The following QTMAN variants were observed in gnomAD, a reference collection of about 807,000 sequenced individuals.
The protein encoded by QTMAN is queuosine-tRNA mannosyltransferase.
the QTMAN span, among the ~76,000 whole-genome samples, chr2:144,269,993 G>A: frequency 6.6e-6 from 1 of 151,986 alleles, no homozygotes; most frequent in Admixed American, 6.5e-5. Context: ...TAGTTTAGAT[G>A]GGTTATTTTA....
chr2:144,101,905 GT>G, the QTMAN span, among the ~76,000 whole-genome samples: 190 of 152,092 alleles, frequency 1.2e-3, 1 homozygote, highest in African/African-American at 4.3e-3. Context: ...TTTGCTTCAG[GT>G]TTTTGTTTAT....
At chr2:144,093,864 A>C in the QTMAN span, among the ~76,000 whole-genome samples, 1 of 152,312 alleles carries the variant, frequency 6.6e-6, no homozygotes, top group South Asian at 2.1e-4. Context: ...ACACTCTACT[A>C]ATCTTTGAAA....
the QTMAN span, among the ~76,000 whole-genome samples, chr2:144,142,459 C>T: frequency 6.6e-6 from 1 of 151,930 alleles, no homozygotes; most frequent in Non-Finnish European, 1.5e-5. Flanking sequence ...TTACACCATA[C>T]TACCGAGAAC....
At chr2:144,224,221 T>A in the QTMAN span, among the ~76,000 whole-genome samples, 1 of 152,232 alleles carries the variant, frequency 6.6e-6, no homozygotes, top group Non-Finnish European at 1.5e-5. Context: ...CTTTTTTATT[T>A]TCTGAGAGAA....
chr2:144,096,448 C>G, the QTMAN span, among the ~76,000 whole-genome samples: 1 of 152,206 alleles, frequency 6.6e-6, no homozygotes, highest in Non-Finnish European at 1.5e-5. Flanking sequence ...AAGGAAGACA[C>G]TGTAGAACAA....
At chr2:144,144,980 A>T in the QTMAN span, among the ~76,000 whole-genome samples, 1 of 150,202 alleles carries the variant, frequency 6.7e-6, no homozygotes, top group Non-Finnish European at 1.5e-5. Context: ...TCGAAGTAAC[A>T]ATAGAGGACC....
the QTMAN span, chr2:143,946,331 A>G: frequency 4.6e-5 from 7 of 152,204 alleles, no homozygotes; most frequent in Non-Finnish European, 7.3e-5. Flanking sequence ...TTTATCTTGC[A>G]ACTTTAAGAT....
the QTMAN span, among the ~76,000 whole-genome samples, chr2:144,294,835 T>C: frequency 1.3e-5 from 2 of 152,172 alleles, no homozygotes; most frequent in African/African-American, 4.8e-5. Context: ...TGTCTGGAAA[T>C]AAAGCTGGTT....
the QTMAN span, among the ~76,000 whole-genome samples, chr2:144,214,531 A>G: frequency 6.6e-6 from 1 of 152,218 alleles, no homozygotes; most frequent in Non-Finnish European, 1.5e-5. Context: ...TGGTTAGGAG[A>G]CATACAGTCT....
the QTMAN span, among the ~76,000 whole-genome samples, chr2:144,087,686 C>A: frequency 6.6e-6 from 1 of 151,974 alleles, no homozygotes; most frequent in African/African-American, 2.4e-5. Flanking sequence ...ATCACATCAA[C>A]AACAACAAAA....
chr2:143,996,070 C>T, the QTMAN span, among the ~76,000 whole-genome samples: 1 of 152,140 alleles, frequency 6.6e-6, no homozygotes, highest in African/African-American at 2.4e-5. Flanking sequence ...CAGCTTTCCA[C>T]ATCCACTAAG....
chr2:144,150,255 TC>T, the QTMAN span, among the ~76,000 whole-genome samples: 1 of 152,006 alleles, frequency 6.6e-6, no homozygotes, highest in African/African-American at 2.4e-5. Flanking sequence ...ATACCTAAAC[TC>T]CTGGTCTAGA....
At chr2:144,102,168 T>C in the QTMAN span, among the ~76,000 whole-genome samples, 2 of 152,194 alleles carry the variant, frequency 1.3e-5, no homozygotes, top group Non-Finnish European at 2.9e-5. Context: ...GAGCTATGTT[T>C]TTTCCATTAC....
At chr2:143,990,656 T>A in the QTMAN span, among the ~76,000 whole-genome samples, 1 of 151,930 alleles carries the variant, frequency 6.6e-6, no homozygotes, top group Non-Finnish European at 1.5e-5. Flanking sequence ...CAACCACACA[T>A]CCCCTCAGGA....
the QTMAN span, among the ~76,000 whole-genome samples, chr2:144,315,562 G>C: frequency 6.6e-6 from 1 of 152,154 alleles, no homozygotes; most frequent in Non-Finnish European, 1.5e-5. Context: ...GGCAGTCTTT[G>C]AGCAGCTCAC....
At chr2:144,133,551 T>A in the QTMAN span, among the ~76,000 whole-genome samples, 1 of 113,322 alleles carries the variant, frequency 8.8e-6, no homozygotes, top group African/African-American at 3.4e-5. Context: ...TATAAAGATA[T>A]AAATATAAAT....
the QTMAN span, among the ~76,000 whole-genome samples, chr2:144,170,965 G>C: frequency 5.3e-5 from 8 of 152,102 alleles, no homozygotes; most frequent in African/African-American, 1.7e-4. Flanking sequence ...ACAGTAACTA[G>C]AGGAAGAAAA....
the QTMAN span, among the ~76,000 whole-genome samples, chr2:144,308,899 G>A: frequency 1.3e-5 from 2 of 152,076 alleles, no homozygotes; most frequent in African/African-American, 4.8e-5. Flanking sequence ...GATATACAAA[G>A]ATATAAAGAA....
At chr2:143,947,176 G>C in the QTMAN span, 1 of 1,377,736 alleles carries the variant, frequency 7.3e-7, no homozygotes, top group Non-Finnish European at 1.0e-6. Context: ...GAAGTGAAGA[G>C]CATTAATGAC....
Sources: gnomAD v4.1 joint callset for allele counts (sites outside exome capture counted in the v4.1 genomes callset) on GRCh38, gnomAD v4.1.1 for gene constraint, MANE v1.5 for transcripts, NCBI Gene and HGNC (gene_info 2026-07-23, HGNC 2026-07-21) for gene names.